The following PEX7 variants were observed in gnomAD, a reference collection of about 807,000 sequenced individuals.
The protein encoded by PEX7 is peroxisomal biogenesis factor 7, also known as PTS2 receptor.
Under a neutral mutation model 47.5 loss-of-function variants are expected in PEX7, and 34 were observed. The observed-to-expected ratio is 0.72, with a 90% CI of 0.54 to 0.95. The LOEUF (loss-of-function observed/expected upper bound fraction) is 0.95. Among genes scored for constraint, PEX7 ranks in the 40% least tolerant of loss-of-function variants. The probability of loss-of-function intolerance (pLI) is 0.00; values close to 1 mark genes in which losing one functional copy is unlikely to be tolerated. For missense variants in PEX7, 394 were observed against 400.3 expected (o/e 0.98, Z 0.13); for synonymous variants, 141 against 148.8 (o/e 0.95, Z 0.38).
At chr6:136,842,887 A>AAT (rs1287455460) in intron 3 of PEX7, among the ~76,000 whole-genome samples, 3 of 152,182 alleles carry the variant, frequency 2.0e-5, no homozygotes, top group Non-Finnish European at 4.4e-5. Context: ...TAAGGGATGT[A>AAT]ATGGGGCACG....
At chr6:136,871,976 C>G (rs1325105329) in intron 7 of PEX7, among the ~76,000 whole-genome samples, 1 of 137,442 alleles carries the variant, frequency 7.3e-6, no homozygotes, top group Non-Finnish European at 1.6e-5. Context: ...GGATAATTTT[C>G]TTTGGAGAAT....
chr6:136,845,182 C>T (rs1333735734), intron 3 of PEX7, among the ~76,000 whole-genome samples: 2 of 152,180 alleles, frequency 1.3e-5, no homozygotes, highest in African/African-American at 4.8e-5. Context: ...CTGGTTCCTG[C>T]AAGCTTTTTC....
intron 2 of PEX7, among the ~76,000 whole-genome samples, chr6:136,826,103 C>T (rs1007877095): frequency 7.9e-5 from 12 of 152,150 alleles, no homozygotes; most frequent in African/African-American, 2.4e-4. Context: ...CTACTACATT[C>T]CACTGGACTG....
intron 8 of PEX7, among the ~76,000 whole-genome samples, chr6:136,897,141 C>T (rs749991180): frequency 6.6e-6 from 1 of 152,220 alleles, no homozygotes; most frequent in African/African-American, 2.4e-5. Flanking sequence ...CTTTTCAAAA[C>T]TTAATAGGGC....
chr6:136,841,104 C>G (rs1774489600), intron 3 of PEX7, among the ~76,000 whole-genome samples: 1 of 152,144 alleles, frequency 6.6e-6, no homozygotes, highest in Admixed American at 6.5e-5. Flanking sequence ...GTGCCTAGTA[C>G]ATAGTAGGTG....
intron 3 of PEX7, among the ~76,000 whole-genome samples, chr6:136,837,984 C>T (rs1774425782): frequency 6.6e-6 from 1 of 152,162 alleles, no homozygotes; most frequent in South Asian, 2.1e-4. Flanking sequence ...CATTTACTTT[C>T]CCTTTCTTGT....
Position 136,826,473 on chromosome 6 carries a change from G to A in PEX7, c.339+4G>A, listed in dbSNP as rs1212518121. 2 of 1,613,934 alleles carry A rather than the reference G, an allele frequency of 1.2e-6. No homozygotes were observed. Among genetic ancestry groups the A allele is most frequent in the Admixed American group, 1.7e-5 (1 of 59,978 alleles). ...CTATAAAGAACACGCTCAGGAGGTAGGAGGGAAATCTTTCTGGGCTGATTA... is the reference window on the plus strand; with the variant it reads ...CTATAAAGAACACGCTCAGGAGGTAAGAGGGAAATCTTTCTGGGCTGATTA... On this transcript the variant is annotated splice_donor_region_variant and intron_variant, in intron 3 of 9. Transcript: ENST00000318471.
intron 8 of PEX7, among the ~76,000 whole-genome samples, chr6:136,885,405 CA>C (rs1562752249): frequency 1.3e-5 from 2 of 152,080 alleles, no homozygotes; most frequent in East Asian, 3.9e-4. Flanking sequence ...GATTTGGGGG[CA>C]AGAAAAATAT....
intron 3 of PEX7, among the ~76,000 whole-genome samples, chr6:136,839,833 A>C (rs1449589079): frequency 1.3e-5 from 2 of 152,184 alleles, no homozygotes; most frequent in Non-Finnish European, 2.9e-5. Context: ...AAAACACCTT[A>C]GGCATGCCCT....
In PEX7 at chr6:136,822,643, G is replaced by A. The variant is rs1191677228; in HGVS notation, c.-23G>A. ...GAACGGCTTCCGCGGCCGGGGCAGC[G>A]AGGGCCGGGGGCGGCGGGCGGGATG... On this transcript the variant is annotated 5_prime_UTR_variant, in exon 1 of 10. Coordinates refer to ENST00000318471, the MANE Select transcript of PEX7 (RefSeq NM_000288.4). 12 of 1,524,668 alleles carry A rather than the reference G, an allele frequency of 7.9e-6. No individual in the cohort carries two copies. Among genetic ancestry groups the A allele is most frequent in the Non-Finnish European group, 1.1e-5 (12 of 1,140,770 alleles). 94.4% of individuals were successfully genotyped at this position (1,524,668 alleles called of 1,614,324 possible).
intron 5 of PEX7, among the ~76,000 whole-genome samples, chr6:136,858,401 C>G (rs978672480): frequency 2.0e-5 from 3 of 152,112 alleles, no homozygotes; most frequent in African/African-American, 7.2e-5. Context: ...TCTTGGAGCT[C>G]TAGGGTAATT....
chr6:136,911,405 G>A (rs911104553), intron 9 of PEX7, among the ~76,000 whole-genome samples: 8 of 151,918 alleles, frequency 5.3e-5, no homozygotes, highest in African/African-American at 1.9e-4. Context: ...TGGGTATTTT[G>A]GTTGTTTTCC....
Position 136,822,788 on chromosome 6 carries a change from C to T in PEX7, c.123C>T (p.Gly41=), listed in dbSNP as rs758534121. The T allele has an allele frequency of 2.2e-6, 3 of 1,342,312 alleles. No homozygotes were observed. Among genetic ancestry groups the T allele is most frequent in the South Asian group, 3.9e-5 (2 of 51,806 alleles). 83.2% of individuals were successfully genotyped at this position (1,342,312 alleles called of 1,614,324 possible). The part of the protein sequence containing the change: ...RLACATAQHY[G]IAGCGTLLIL... ...CCTGCGCCACCGCGCAGCACTACGG[C>T]ATCGCGGGTGAGGCGGCGCCGCGCA... Residue 41 remains glycine, a synonymous_variant, in exon 1 of 10, where the codon GGC becomes GGT. Transcript: ENST00000318471.
At chr6:136,829,936 T>TA (rs1562727535) in intron 3 of PEX7, 1 of 692,876 alleles carries the variant, frequency 1.4e-6, no homozygotes, top group Non-Finnish European at 2.6e-6. Context: ...GACCCTGTCT[T>TA]AAAAGAAAGT....
chr6:136,840,961 C>G (rs1056272763), intron 3 of PEX7, among the ~76,000 whole-genome samples: 3 of 152,184 alleles, frequency 2.0e-5, no homozygotes, highest in Admixed American at 2.0e-4. Flanking sequence ...TCTCCTTACT[C>G]TGCTTTTTCT....
chr6:136,889,695 G>T (rs552085035), intron 8 of PEX7, among the ~76,000 whole-genome samples: 1 of 151,980 alleles, frequency 6.6e-6, no homozygotes, highest in Admixed American at 6.6e-5. Context: ...CTCATTTTTC[G>T]TAGTAGGAAG....
chr6:136,835,470 G>T (rs1426633085), intron 3 of PEX7, among the ~76,000 whole-genome samples: 1 of 151,774 alleles, frequency 6.6e-6, no homozygotes, highest in Non-Finnish European at 1.5e-5. Flanking sequence ...TGTATTTTTA[G>T]TAGAGACAGG....
intron 6 of PEX7, among the ~76,000 whole-genome samples, chr6:136,867,188 A>C (rs1582758025): frequency 6.6e-6 from 1 of 152,154 alleles, no homozygotes; most frequent in Non-Finnish European, 1.5e-5. Flanking sequence ...TGCCTCTGTA[A>C]GATAAGTGTC....
chr6:136,885,976 A>G (rs1032346687), intron 8 of PEX7, among the ~76,000 whole-genome samples: 4 of 152,206 alleles, frequency 2.6e-5, no homozygotes, highest in African/African-American at 9.6e-5. Context: ...AAGAGCTAAT[A>G]TACACAAATA....
Sources: allele counts gnomAD v4.1 joint callset (sites outside exome capture counted in the v4.1 genomes callset), GRCh38; gene constraint gnomAD v4.1.1; transcripts MANE v1.5; gene names NCBI Gene and HGNC (gene_info 2026-07-23, HGNC 2026-07-21).